Variants in SLC41A2 observed in about 807,000 individuals in gnomAD.
SLC41A2 encodes the protein solute carrier family 41 member 2, also known as SLC41A1-like 1.
In SLC41A2, 32 loss-of-function variants were observed where a neutral mutation model predicts 58.3. The observed-to-expected ratio is 0.55, with a 90% confidence interval of 0.41 to 0.74. SLC41A2 has a LOEUF of 0.74. Among genes scored for constraint, SLC41A2 ranks in the 30% least tolerant of loss-of-function variants. The pLI is 0.00. For synonymous variants in SLC41A2, 190 were observed against 235.0 expected (o/e 0.81, Z 1.75); for missense variants, 514 against 680.6 (o/e 0.76, Z 2.72).
intron 1 of SLC41A2, among the ~76,000 whole-genome samples, chr12:104,930,793 G>A (rs1446830732): frequency 6.6e-6 from 1 of 152,114 alleles, no homozygotes; most frequent in Non-Finnish European, 1.5e-5. Flanking sequence ...AAAACAAGGG[G>A]GAATTTCCCA....
intron 1 of SLC41A2, among the ~76,000 whole-genome samples, chr12:104,943,948 T>C (rs1168052525): frequency 6.6e-6 from 1 of 152,108 alleles, no homozygotes; most frequent in African/African-American, 2.4e-5. Flanking sequence ...GATCGGGATA[T>C]AAACCCAGGC....
chr12:104,897,336 G>A (rs1445548451), intron 3 of SLC41A2, among the ~76,000 whole-genome samples: 5 of 151,658 alleles, frequency 3.3e-5, no homozygotes, highest in Non-Finnish European at 7.4e-5. Flanking sequence ...GTAGAAACAG[G>A]GTTTCCCCAT....
chr12:104,831,685 T>G (rs1207879081), intron 10 of SLC41A2, among the ~76,000 whole-genome samples: 1 of 152,190 alleles, frequency 6.6e-6, no homozygotes, highest in Non-Finnish European at 1.5e-5. Context: ...ATGTTACCTC[T>G]TTCAGATAGA....
At chr12:104,906,400 C>T (rs1187797298) in intron 3 of SLC41A2, among the ~76,000 whole-genome samples, 3 of 151,944 alleles carry the variant, frequency 2.0e-5, no homozygotes, top group Non-Finnish European at 2.9e-5. Flanking sequence ...GGACATGGGG[C>T]CTGGTGTATG....
In SLC41A2 at chr12:104,879,111, T is replaced by C. The variant is rs142821617; in HGVS notation, c.1027+7182A>G. On this transcript the variant is annotated intron_variant, in intron 6 of 10. Coordinates refer to ENST00000258538, the MANE Select transcript of SLC41A2 (RefSeq NM_001352171.3). ...GTCTGTTGGCTGCATAAATGTTTTC[T>C]TTTGAAAAGTGTCTGTTCGTATCCT... Among the ~76,000 whole-genome samples, 1,510 of 152,380 alleles carry C rather than the reference T, an allele frequency of 9.9e-3. 25 individuals carry two copies. Among genetic ancestry groups the C allele is most frequent in the African/African-American group, 0.035 (1,446 of 41,588 alleles).
chr12:104,820,416 A>G (rs1254503818), intron 10 of SLC41A2, among the ~76,000 whole-genome samples: 2 of 152,212 alleles, frequency 1.3e-5, no homozygotes, highest in East Asian at 3.8e-4. Context: ...GTGAGCTATA[A>G]TCATGCTACT....
intron 10 of SLC41A2, among the ~76,000 whole-genome samples, chr12:104,806,644 A>T (rs1162732179): frequency 6.6e-6 from 1 of 151,688 alleles, no homozygotes; most frequent in Non-Finnish European, 1.5e-5. Flanking sequence ...CGCCACACTG[A>T]CTTCCACAAT....
chr12:104,944,832 G>A (rs372146033), intron 1 of SLC41A2, among the ~76,000 whole-genome samples: 108 of 146,280 alleles, frequency 7.4e-4, no homozygotes, highest in African/African-American at 2.7e-3. Flanking sequence ...CTCTTCTATT[G>A]TTTTAATTTT....
Position 104,861,410 on chromosome 12 carries a change from G to C in SLC41A2, c.1176-40C>G, listed in dbSNP as rs1191672145. The C allele has an allele frequency of 6.4e-6, 9 of 1,409,912 alleles. No individual in the cohort carries two copies. The Middle Eastern group carries it at 7.3e-4, about 114-fold the overall frequency. 87.3% of individuals were successfully genotyped at this position (1,409,912 alleles called of 1,614,324 possible). On this transcript the variant is annotated intron_variant, in intron 7 of 10. Transcript: ENST00000258538. The stretch of plus-strand genomic sequence containing the variant: ...ATTATATAATTTAGAGAAGAGGGAA[G>C]AGAACATACTTGAAGTTATTCTGTA...
At chr12:104,835,953 T>TCC (rs1231610839) in intron 10 of SLC41A2, among the ~76,000 whole-genome samples, 1 of 152,194 alleles carries the variant, frequency 6.6e-6, no homozygotes, top group Non-Finnish European at 1.5e-5. Flanking sequence ...TAAGTGATTC[T>TCC]CCTGCTTCAG....
intron 2 of SLC41A2, among the ~76,000 whole-genome samples, chr12:104,920,164 G>A (rs561089861): frequency 6.6e-6 from 1 of 152,210 alleles, no homozygotes; most frequent in East Asian, 1.9e-4. Context: ...CCATTCTGTG[G>A]CATTGATCTC....
intron 1 of SLC41A2, among the ~76,000 whole-genome samples, chr12:104,940,677 G>A (rs1249682818): frequency 6.6e-6 from 1 of 151,522 alleles, no homozygotes; most frequent in Non-Finnish European, 1.5e-5. Flanking sequence ...CAGCACTTTG[G>A]AGGGCCAAGG....
intron 1 of SLC41A2, among the ~76,000 whole-genome samples, chr12:104,956,056 T>G (rs1478933006): frequency 6.6e-6 from 1 of 152,172 alleles, no homozygotes; most frequent in African/African-American, 2.4e-5. Flanking sequence ...TTTTTGTAAT[T>G]AAAGTGATAA....
intron 1 of SLC41A2, among the ~76,000 whole-genome samples, chr12:104,935,406 TTGATTGAA>T (rs2047224914): frequency 6.6e-6 from 1 of 152,166 alleles, no homozygotes; most frequent in Non-Finnish European, 1.5e-5. Flanking sequence ...GTTAGTTATC[TTGATTGAA>T]TATTTTCTAT....
At chr12:104,910,726 T>C (rs184458656) in intron 2 of SLC41A2, among the ~76,000 whole-genome samples, 9 of 152,154 alleles carry the variant, frequency 5.9e-5, no homozygotes, top group Admixed American at 5.9e-4. Context: ...AGCAATGAGA[T>C]ACCAAATTCC....
intron 10 of SLC41A2, among the ~76,000 whole-genome samples, chr12:104,838,364 G>A (rs541329470): frequency 6.6e-6 from 1 of 152,280 alleles, no homozygotes; most frequent in African/African-American, 2.4e-5. Context: ...CTGGTTATAA[G>A]TTTTGTCATG....
intron 1 of SLC41A2, 139 bp from the exon 2 acceptor site, chr12:104,928,833 G>T (rs1180663183): frequency 4.9e-6 from 1 of 203,098 alleles, no homozygotes; most frequent in African/African-American, 2.3e-5. Flanking sequence ...TACTTTGTGG[G>T]CTTAAAACAT....
At chr12:104,917,972 T>TAATAA (rs1377376923) in intron 2 of SLC41A2, among the ~76,000 whole-genome samples, 1 of 147,062 alleles carries the variant, frequency 6.8e-6, no homozygotes, top group Non-Finnish European at 1.5e-5. Context: ...TAAAGTATAA[T>TAATAA]AATAAAATAA....
Position 104,820,833 on chromosome 12 carries a change from C to T in SLC41A2, c.1537-15496G>A, listed in dbSNP as rs568650382. Among the ~76,000 whole-genome samples the T allele has an allele frequency of 7.2e-5, 11 of 152,082 alleles. No individual in the cohort carries two copies. The East Asian group carries it at 9.7e-4, about 13-fold the overall frequency. Reference sequence around the variant, plus strand: ...AATTTTTTCGTATTTTTAGTTGAGACGGGGTTTCATCATGTTGGCCAGGCT... The same window carrying T: ...AATTTTTTCGTATTTTTAGTTGAGATGGGGTTTCATCATGTTGGCCAGGCT... On this transcript the variant is annotated intron_variant, in intron 10 of 10. Coordinates refer to ENST00000258538, the MANE Select transcript of SLC41A2 (RefSeq NM_001352171.3).
Sources: allele counts gnomAD v4.1 joint callset (sites outside exome capture counted in the v4.1 genomes callset), GRCh38; gene constraint gnomAD v4.1.1; transcripts MANE v1.5; gene names NCBI Gene and HGNC (gene_info 2026-07-23, HGNC 2026-07-21).